The following SGSM3 variants were observed in gnomAD, a reference collection of about 807,000 sequenced individuals.
The protein encoded by SGSM3 is small G protein signaling modulator 3.
In SGSM3, 96 loss-of-function variants were observed where a neutral mutation model predicts 100.5. That is an observed-to-expected ratio of 0.96 (90% CI 0.81 to 1.13). The LOEUF is 1.13. SGSM3 is among the 50% of genes most tolerant of loss of function. The probability of loss-of-function intolerance (pLI) is 0.00; values close to 1 mark genes in which losing one functional copy is unlikely to be tolerated. For synonymous variants in SGSM3, 483 were observed against 422.8 expected, an observed-to-expected ratio of 1.14 and a Z score of -1.75; for missense variants, 1,001 against 1,015.8, an observed-to-expected ratio of 0.99 and a Z score of 0.20.
chr22:40,372,870 T>C (rs2146718299), intron 1 of SGSM3: 1 of 152,374 alleles, frequency 6.6e-6, no homozygotes, highest in South Asian at 2.1e-4. Flanking sequence ...CAGTTTCATC[T>C]GCTTACTCTC....
At chr22:40,381,161 T>G (rs1181356542) in intron 1 of SGSM3, among the ~76,000 whole-genome samples, 3 of 152,068 alleles carry the variant, frequency 2.0e-5, no homozygotes, top group Admixed American at 2.0e-4. Context: ...CTTTTTCTTT[T>G]TTTTGAGACA....
At position 40,402,183 on chromosome 22, in the gene SGSM3, T is replaced by C; in HGVS notation, c.135T>C (p.Phe45=). The C allele has an allele frequency of 1.2e-6, 2 of 1,613,974 alleles. No homozygotes were observed. Among genetic ancestry groups the C allele is most frequent in the Non-Finnish European group, 1.7e-6 (2 of 1,179,820 alleles). Reference sequence around the variant, plus strand: ...AACCAGAGTTCTACTACGATGAGTTTGGTTTCCGTGTGTACAAGGAAGGTA... The same window carrying C: ...AACCAGAGTTCTACTACGATGAGTTCGGTTTCCGTGTGTACAAGGAAGGTA... The part of the protein sequence containing the change: ...AEQPEFYYDE[F]GFRVYKEEGD... The change falls in exon 4 of 22, where the codon TTT becomes TTC. Residue 45 remains phenylalanine, a synonymous_variant. Transcript: ENST00000248929.
In SGSM3 at chr22:40,407,382, C is replaced by A; in HGVS notation, c.1369-31C>A. 1 of 1,611,732 alleles carries A rather than the reference C, an allele frequency of 6.2e-7. No homozygotes were observed. The highest frequency in any genetic ancestry group is 2.2e-5 in the East Asian group (1 of 44,832). ...CAAACACGGCCCTAACTCCTCCAAC[C>A]CCCTTGGTGGGCCTGTGTTCACTGT... On this transcript the variant is annotated intron_variant, in intron 12 of 21. Coordinates refer to ENST00000248929, the MANE Select transcript of SGSM3 (RefSeq NM_015705.6). The surrounding 1 kb of genome is among the most constrained non-coding windows in gnomAD (Gnocchi z 4.7).
chr22:40,383,985 A>G (rs555519437), intron 1 of SGSM3, among the ~76,000 whole-genome samples: 1 of 152,350 alleles, frequency 6.6e-6, no homozygotes, highest in Non-Finnish European at 1.5e-5. Flanking sequence ...ATCATGGCTC[A>G]TGCCTGTAAT....
chr22:40,408,398 G>A lies in SGSM3; in HGVS notation c.1751G>A (p.Gly584Asp). The part of the protein sequence containing the change: ...HGLKKPSLLG[G>D]ACHPWLFIEE... ...CTGAAGAAGCCATCCCTGCTTGGGG[G>A]CGCCTGCCACCCCTGGCTGTTTATC... The change falls in exon 16 of 22, where the codon GGC becomes GAC. Residue 584 changes from glycine (G) to aspartate (D), a missense_variant. Transcript: ENST00000248929. 6.2e-7 allele frequency: 1 copy of A among 1,613,466 alleles called. No homozygotes were observed. Among genetic ancestry groups the A allele is most frequent in the Non-Finnish European group, 8.5e-7 (1 of 1,179,972 alleles).
At chr22:40,372,700 T>G (rs1372476931) in intron 1 of SGSM3, 3 of 152,220 alleles carry the variant, frequency 2.0e-5, no homozygotes, top group African/African-American at 7.2e-5. Context: ...TCATCTCTTT[T>G]ATTTTACAGC....
Position 40,409,320 on chromosome 22 carries a change from C to T in SGSM3, c.2059C>T (p.Pro687Ser). Reference sequence around the variant, plus strand: ...GCCCACCGTGGAGAAGTGGTACCAGCCCTGGTCCTTCCTGCGCAGCCCGGG... The same window carrying T: ...GCCCACCGTGGAGAAGTGGTACCAGTCCTGGTCCTTCCTGCGCAGCCCGGG... ...SLPTVEKWYQ[P>S]WSFLRSPGWV... The change falls in exon 20 of 22, where the codon CCC (proline) becomes TCC (serine). Residue 687 changes from proline to serine, a missense_variant. By Grantham distance (74) the Pro-to-Ser change is moderately conservative (BLOSUM62 -1). Transcript: ENST00000248929. 1 of 1,613,328 alleles carries T rather than the reference C, an allele frequency of 6.2e-7. No individual in the cohort carries two copies. The highest frequency in any genetic ancestry group is 8.5e-7 in the Non-Finnish European group (1 of 1,179,908).
chr22:40,405,853 C>T lies in SGSM3; in HGVS notation c.814+9C>T, dbSNP rs749617103. On this transcript the variant is annotated intron_variant, in intron 8 of 21. Transcript: ENST00000248929. ...CCAGGAGCATGACATTGGTAAGGCG[C>T]CCCTGAGCCACTGGCTCCCATTCTG... The T allele has an allele frequency of 1.9e-6, 3 of 1,602,116 alleles. No individual in the cohort carries two copies. Among genetic ancestry groups the T allele is most frequent in the Non-Finnish European group, 2.6e-6 (3 of 1,172,184 alleles).
intron 1 of SGSM3, among the ~76,000 whole-genome samples, chr22:40,397,617 G>C (rs529522982): frequency 6.6e-6 from 1 of 152,102 alleles, no homozygotes; most frequent in Non-Finnish European, 1.5e-5. Flanking sequence ...GTGAGGCCTC[G>C]TAGTCCCCTG....
At chr22:40,406,263 C>G in intron 9 of SGSM3, 40 bp downstream of exon 9, 1 of 1,609,936 alleles carries the variant, frequency 6.2e-7, no homozygotes, top group Non-Finnish European at 8.5e-7. Flanking sequence ...AGTAGGCACC[C>G]GAGATGGGGG....
chr22:40,388,073 G>A (rs543329610), intron 1 of SGSM3: 1 of 152,248 alleles, frequency 6.6e-6, no homozygotes, highest in African/African-American at 2.4e-5. Context: ...ACTCAGGGAA[G>A]GGTAAGCAGA....
In SGSM3 at chr22:40,408,708, C is replaced by T. The variant is rs768992748; in HGVS notation, c.1853+11C>T. Reference sequence around the variant, plus strand: ...CTGTAAGACCTTCAGGTAACTCGGCCCGGGTTCTTCTGGTGGGGTCACCAG... The same window carrying T: ...CTGTAAGACCTTCAGGTAACTCGGCTCGGGTTCTTCTGGTGGGGTCACCAG... On this transcript the variant is annotated intron_variant, in intron 17 of 21. Transcript: ENST00000248929. 6.2e-7 allele frequency: 1 copy of T among 1,613,972 alleles called. No homozygotes were observed. Among genetic ancestry groups the T allele is most frequent in the Admixed American group, 1.7e-5 (1 of 60,018 alleles).
At chr22:40,396,780 A>G (rs902565551) in intron 1 of SGSM3, among the ~76,000 whole-genome samples, 1 of 152,136 alleles carries the variant, frequency 6.6e-6, no homozygotes, top group Non-Finnish European at 1.5e-5. Flanking sequence ...CCTCTGATCT[A>G]TATGAAGAGA....
chr22:40,400,366 G>A (rs1015417299), intron 1 of SGSM3, among the ~76,000 whole-genome samples: 5 of 152,176 alleles, frequency 3.3e-5, no homozygotes, highest in South Asian at 2.1e-4. Flanking sequence ...AGGCTTGGCC[G>A]GGCGCGGTGG....
At chr22:40,409,201 A>AGAAG (rs752308843) in intron 19 of SGSM3, 49 bp from the exon 20 acceptor site, 1 of 1,560,176 alleles carries the variant, frequency 6.4e-7, no homozygotes, top group East Asian at 2.3e-5. Flanking sequence ...GGCTGCAGCC[A>AGAAG]GAAGGGCCTG....
At chr22:40,389,151 A>C (rs1039944411) in intron 1 of SGSM3, among the ~76,000 whole-genome samples, 1 of 152,168 alleles carries the variant, frequency 6.6e-6, no homozygotes, top group Non-Finnish European at 1.5e-5. Context: ...GAACAGGCAT[A>C]TAGGAGGAGG....
At position 40,376,178 on chromosome 22, in the gene SGSM3, C is replaced by CTTTTTTTTTT. The variant is rs10616868; in HGVS notation, c.-112+5513_-112+5522dup. 2.1e-4 allele frequency: 18 copies of CTTTTTTTTTT among 86,844 alleles called. 2 individuals are homozygous for CTTTTTTTTTT. Among genetic ancestry groups the CTTTTTTTTTT allele is most frequent in the Non-Finnish European group, 3.4e-4 (15 of 44,354 alleles). 5.4% of individuals were successfully genotyped at this position (86,844 alleles called of 1,614,324 possible). A position where few individuals can be genotyped will look rare whatever the true frequency, so the allele number is the denominator to read the frequency against. ...GGATAGGGTTAAAGTCAAATTACCA[C>CTTTTTTTTTT]TTTTTTTTTTTTTTTTTTTTTTTTT... On this transcript the variant is annotated intron_variant, in intron 1 of 21. Transcript: ENST00000248929.
chr22:40,383,060 A>G (rs964304447), intron 1 of SGSM3, among the ~76,000 whole-genome samples: 10 of 152,238 alleles, frequency 6.6e-5, no homozygotes, highest in Non-Finnish European at 1.5e-4. Flanking sequence ...GGCGATTACT[A>G]CTTCAAACAT....
intron 1 of SGSM3, among the ~76,000 whole-genome samples, chr22:40,380,221 G>C (rs1205613374): frequency 6.6e-6 from 1 of 152,082 alleles, no homozygotes; most frequent in Admixed American, 6.5e-5. Flanking sequence ...TTAATGCTGT[G>C]TGTGTATTTG....
Sources: gnomAD v4.1 joint callset for allele counts (sites outside exome capture counted in the v4.1 genomes callset) on GRCh38, gnomAD v4.1.1 for gene constraint, Gnocchi (gnomAD v3.1) non-coding constraint, MANE v1.5 for transcripts, NCBI Gene and HGNC (gene_info 2026-07-23, HGNC 2026-07-21) for gene names.